NFAT5: variants seen among roughly 807,000 people sequenced by gnomAD.
NFAT5 encodes nuclear factor of activated T cells 5.
NFAT5 carries 31 observed loss-of-function variants against 166.5 expected under a neutral mutation model. That is an observed-to-expected ratio of 0.19 (90% CI 0.14 to 0.25). NFAT5 has a LOEUF of 0.25. NFAT5 is among the 10% of genes least tolerant of loss of function. NFAT5 has a pLI of 1.00. For synonymous variants in NFAT5, 612 were observed against 639.7 expected (o/e 0.96, Z 0.65); for missense variants, 1,449 against 1,821.8 (o/e 0.80, Z 3.72).
intron 2 of NFAT5, among the ~76,000 whole-genome samples, chr16:69,624,032 T>C (rs2151576491): frequency 6.6e-6 from 1 of 151,736 alleles, no homozygotes; most frequent in South Asian, 2.1e-4. Flanking sequence ...ATTACAGGCA[T>C]GAACCACCGT....
Position 69,693,868 on chromosome 16 carries a change from A to T in NFAT5, c.4043A>T (p.Gln1348Leu). 2.5e-6 allele frequency: 4 copies of T among 1,614,242 alleles called. No homozygotes were observed. Among genetic ancestry groups the T allele is most frequent in the Non-Finnish European group, 3.4e-6 (4 of 1,180,036 alleles). Residue 1348 changes from glutamine (Q) to leucine (L), a missense_variant, in exon 13 of 15, where the codon CAG becomes CTG. Gln to Leu is a moderately radical substitution (Grantham distance 113). Coordinates refer to ENST00000349945, the MANE Select transcript of NFAT5 (RefSeq NM_138713.4). ...QEQQPMQFQS[Q>L]STVSSLQNPG... ...CAACAGCCCATGCAATTTCAGAGTCAGTCCACAGTTTCCTCACTTCAGAAC... is the reference window on the plus strand; with the variant it reads ...CAACAGCCCATGCAATTTCAGAGTCTGTCCACAGTTTCCTCACTTCAGAAC...
intron 2 of NFAT5, among the ~76,000 whole-genome samples, chr16:69,571,020 T>G (rs1379284193): frequency 6.6e-6 from 1 of 150,984 alleles, no homozygotes; most frequent in African/African-American, 2.4e-5. Context: ...CTGTAGAGTG[T>G]TTACTGTGTG....
intron 4 of NFAT5, 39 bp from the exon 5 acceptor site, chr16:69,653,196 CT>C: frequency 7.4e-7 from 1 of 1,342,382 alleles, no homozygotes; most frequent in Non-Finnish European, 1.0e-6. Flanking sequence ...TCAAAAAACT[CT>C]TTTTGATACT....
chr16:69,626,993 A>G (rs1314612726), intron 3 of NFAT5, among the ~76,000 whole-genome samples: 5 of 152,182 alleles, frequency 3.3e-5, no homozygotes, highest in Middle Eastern at 6.8e-3. Context: ...ATTTAAAAAT[A>G]TATGTGACTT....
Position 69,566,132 on chromosome 16 carries a change from T to G in NFAT5, c.-170T>G. On this transcript the variant is annotated 5_prime_UTR_variant, in exon 1 of 15. Transcript: ENST00000349945. The surrounding 1 kb of genome is among the most constrained non-coding windows in gnomAD (Gnocchi z 5.7). ...AGTTCCCCCTCCACCTCGCCATCGT[T>G]TCCTCGGTCCTCGGCCCAGTGGAAG... 1 of 576,640 alleles carries G rather than the reference T, an allele frequency of 1.7e-6. No individual in the cohort carries two copies. The highest frequency in any genetic ancestry group is 3.0e-6 in the Non-Finnish European group (1 of 333,232). 35.7% of individuals were successfully genotyped at this position (576,640 alleles called of 1,614,324 possible).
Position 69,618,626 on chromosome 16 carries a change from A to T in NFAT5, c.128-7777A>T, listed in dbSNP as rs533298687. 2.6e-5 allele frequency among the ~76,000 whole-genome samples: 4 copies of T among 152,370 alleles called. No homozygotes were observed. The East Asian group carries it at 7.7e-4, about 29-fold the overall frequency. On this transcript the variant is annotated intron_variant, in intron 2 of 14. Transcript: ENST00000349945. ...TGAAATTATAACCTTGGAATTTACC[A>T]GCTGATTGAGATAGTTAATGGAGAG...
intron 2 of NFAT5, among the ~76,000 whole-genome samples, chr16:69,621,594 A>G (rs982553382): frequency 6.6e-6 from 1 of 152,204 alleles, no homozygotes; most frequent in African/African-American, 2.4e-5. Context: ...ACTGATTTAA[A>G]AGATAACATA....
chr16:69,685,193 T>A (rs867715496), intron 11 of NFAT5: 6,427 of 109,574 alleles, frequency 0.059, 153 homozygotes, highest in Non-Finnish European at 0.075. Context: ...TATATATATT[T>A]TTTTTTTTAA....
At chr16:69,650,423 G>A (rs1567574713) in intron 4 of NFAT5, among the ~76,000 whole-genome samples, 2 of 151,978 alleles carry the variant, frequency 1.3e-5, no homozygotes, top group East Asian at 3.9e-4. Flanking sequence ...AGAAAAAAAA[G>A]ATAGTTTTAA....
At chr16:69,650,234 T>C (rs2035609070) in intron 4 of NFAT5, among the ~76,000 whole-genome samples, 1 of 152,068 alleles carries the variant, frequency 6.6e-6, no homozygotes. Context: ...TGGTGGATTT[T>C]CCTTTTTGGT....
intron 2 of NFAT5, among the ~76,000 whole-genome samples, chr16:69,591,036 A>G (rs533698042): frequency 6.6e-6 from 1 of 152,218 alleles, no homozygotes; most frequent in South Asian, 2.1e-4. Flanking sequence ...GGTTCAAGCA[A>G]TTCTCCTGCC....
At chr16:69,613,118 C>T (rs2033780381) in intron 2 of NFAT5, among the ~76,000 whole-genome samples, 1 of 152,148 alleles carries the variant, frequency 6.6e-6, no homozygotes, top group Non-Finnish European at 1.5e-5. Flanking sequence ...GTTCTATGTG[C>T]TACTTGGAAC....
intron 3 of NFAT5, among the ~76,000 whole-genome samples, chr16:69,641,123 C>T (rs2035188918): frequency 6.7e-6 from 1 of 150,286 alleles, no homozygotes; most frequent in South Asian, 2.1e-4. Flanking sequence ...ACTAAAAATA[C>T]AAAAATTAGC....
chr16:69,594,550 C>T (rs1247876190), intron 2 of NFAT5, among the ~76,000 whole-genome samples: 1 of 152,100 alleles, frequency 6.6e-6, no homozygotes, highest in Non-Finnish European at 1.5e-5. Context: ...TGGCATATAG[C>T]AGGTTTCTGT....
rs1358227823 is a variant in NFAT5 at position 69,703,481 on chromosome 16, A to C, written c.*7130A>C. On this transcript the variant is annotated 3_prime_UTR_variant, in exon 15 of 15. Coordinates refer to ENST00000349945, the MANE Select transcript of NFAT5 (RefSeq NM_138713.4). ...CAAGATAGGTAGATTGATTCATTTC[A>C]TTTTAATCTCCTTGTGTAATTCAGT... 6.6e-6 allele frequency: 1 copy of C among 152,662 alleles called. No individual in the cohort carries two copies. The highest frequency in any genetic ancestry group is 1.5e-5 in the Non-Finnish European group (1 of 68,032). The allele number at this position is 152,662 out of a possible 1,614,324, so 9.5% of individuals were successfully genotyped here. A position where few individuals can be genotyped will look rare whatever the true frequency, so the allele number is the denominator to read the frequency against.
chr16:69,683,466 A>G (rs1293465986), intron 10 of NFAT5, among the ~76,000 whole-genome samples: 2 of 149,954 alleles, frequency 1.3e-5, no homozygotes, highest in South Asian at 4.2e-4. Context: ...GGGAGGTGGA[A>G]GTTGCAGTGA....
At position 69,632,938 on chromosome 16, in the gene NFAT5, C is replaced by T. The variant is rs2034783241; in HGVS notation, c.253+6410C>T. ...CAAGCAGATTTAAAAATCTCTACTC[C>T]TCCTTCTATCTTATTATACTGAAAT... On this transcript the variant is annotated intron_variant, in intron 3 of 14. Transcript: ENST00000349945. Among the ~76,000 whole-genome samples the T allele has an allele frequency of 2.0e-5, 3 of 152,252 alleles. No individual in the cohort carries two copies. The South Asian group carries it at 6.2e-4, about 32-fold the overall frequency.
intron 2 of NFAT5, among the ~76,000 whole-genome samples, chr16:69,574,701 C>T (rs1011300885): frequency 6.6e-6 from 1 of 150,912 alleles, no homozygotes; most frequent in Non-Finnish European, 1.5e-5. Flanking sequence ...CGGAGTCGTG[C>T]TCTGTCACCC....
intron 10 of NFAT5, among the ~76,000 whole-genome samples, chr16:69,678,633 A>G (rs887010077): frequency 2.0e-4 from 31 of 152,346 alleles, no homozygotes; most frequent in African/African-American, 7.5e-4. Flanking sequence ...TGGGGAGAAC[A>G]TTTTGGAAAT....
Sources: allele counts gnomAD v4.1 joint callset (sites outside exome capture counted in the v4.1 genomes callset), GRCh38; gene constraint gnomAD v4.1.1; non-coding constraint Gnocchi (gnomAD v3.1); transcripts MANE v1.5; gene names NCBI Gene and HGNC (gene_info 2026-07-23, HGNC 2026-07-21).